The following KRTAP11-1 variants were observed in gnomAD, a reference collection of about 807,000 sequenced individuals.
KRTAP11-1 encodes keratin-associated protein 11-1.
In KRTAP11-1, 17 loss-of-function variants were observed where a neutral mutation model predicts 13.9. The ratio of observed to expected loss-of-function variants is 1.23; its 90% CI spans 0.84 to 1.84. The LOEUF is 1.84. Among genes scored for constraint, KRTAP11-1 ranks in the 40% most tolerant of loss-of-function variants. The pLI is 0.00. For synonymous variants in KRTAP11-1, 69 were observed against 81.6 expected (o/e 0.85, Z 0.84); for missense variants, 181 against 200.9 (o/e 0.90, Z 0.60).
rs1986196738 is a variant in KRTAP11-1, at chr21:30,880,964, C to A, written c.*69G>T. On this transcript the variant is annotated 3_prime_UTR_variant, in exon 1 of 1. Transcript: ENST00000332378. ...TGAAGAGCTATTCAGGGACAAGCAG[C>A]ATGCTGGAAGATCCTGGAAACAGCT... is the stretch of plus-strand genomic sequence containing the variant. 5.8e-6 allele frequency: 9 copies of A among 1,550,230 alleles called. No individual in the cohort carries two copies. The highest frequency in any genetic ancestry group is 1.4e-5 in the African/African-American group (1 of 73,428).
In KRTAP11-1 at chr21:30,880,960, G is replaced by T. The variant is rs1986196629; in HGVS notation, c.*73C>A. On this transcript the variant is annotated 3_prime_UTR_variant, in exon 1 of 1. Coordinates refer to ENST00000332378, the MANE Select transcript of KRTAP11-1 (RefSeq NM_175858.3). Reference sequence around the variant, plus strand: ...GCTATGAAGAGCTATTCAGGGACAAGCAGCATGCTGGAAGATCCTGGAAAC... The same window carrying T: ...GCTATGAAGAGCTATTCAGGGACAATCAGCATGCTGGAAGATCCTGGAAAC... The T allele has an allele frequency of 2.6e-6, 4 of 1,544,390 alleles. No homozygotes were observed. Among genetic ancestry groups the T allele is most frequent in the African/African-American group, 2.7e-5 (2 of 73,420 alleles).
chr21:30,880,785 G>A lies in KRTAP11-1; in HGVS notation c.*248C>T, dbSNP rs1986192808. On this transcript the variant is annotated 3_prime_UTR_variant, in exon 1 of 1. Coordinates refer to ENST00000332378, the MANE Select transcript of KRTAP11-1 (RefSeq NM_175858.3). ...AAGCATCAGAGACTGGGGTGTGGAT[G>A]GTAAAGCTTCTGGACACATCCAGAG... 4 of 496,870 alleles carry A rather than the reference G, an allele frequency of 8.1e-6. No individual in the cohort carries two copies. The East Asian group carries it at 1.3e-4, about 16-fold the overall frequency. The allele number at this position is 496,870 out of a possible 1,614,324, so 30.8% of individuals were successfully genotyped here.
rs112534515 is a variant in KRTAP11-1, at chr21:30,880,991, G to T, written c.*42C>A. On this transcript the variant is annotated 3_prime_UTR_variant, in exon 1 of 1. Coordinates refer to ENST00000332378, the MANE Select transcript of KRTAP11-1 (RefSeq NM_175858.3). ...TGCTGGAAGATCCTGGAAACAGCTGGCAGGTCGTGGAGTCTTGATTCGCTC... is the reference window on the plus strand; with the variant it reads ...TGCTGGAAGATCCTGGAAACAGCTGTCAGGTCGTGGAGTCTTGATTCGCTC... 0.012 allele frequency: 18,879 copies of T among 1,571,640 alleles called. 205 individuals are homozygous for T. Among genetic ancestry groups the T allele is most frequent in the Middle Eastern group, 0.043 (222 of 5,196 alleles).
In KRTAP11-1 at chr21:30,881,372, C is replaced by T. The variant is rs761796430; in HGVS notation, c.153G>A (p.Trp51Ter). Residue 51 changes from tryptophan (W) to a stop codon, truncating the protein, a stop_gained, in exon 1 of 1, where the codon TGG (tryptophan) becomes TGA (stop). Coordinates refer to ENST00000332378, the MANE Select transcript of KRTAP11-1 (RefSeq NM_175858.3). LOFTEE classifies it high-confidence loss of function. Reference protein sequence around the residue: ...CLPSSFQTGSWLLDHCQETCC... With the variant: ...CLPSSFQTGS ...AGGTCTCTTGACAGTGGTCCAGGAG[C>T]CAAGAGCCAGTCTGGAAGGAACTGG... 1.2e-6 allele frequency: 2 copies of T among 1,614,102 alleles called. No homozygotes were observed. Among genetic ancestry groups the T allele is most frequent in the South Asian group, 2.2e-5 (2 of 91,080 alleles).
rs754297851 is a variant in KRTAP11-1, at chr21:30,881,498, A to C, written c.27T>G (p.Asn9Lys). ...GTCCTCCAATGGGCCTGGAAGAGCA[A>C]TTTCTTGTGGAGCAGTTGAAGGACA... MSFNCSTRNCSSRPIGGRC... is the reference protein window; with the variant it reads MSFNCSTRKCSSRPIGGRC... The change falls in exon 1 of 1, where the codon AAT becomes AAG. Residue 9 changes from asparagine (N) to lysine (K), a missense_variant. Coordinates refer to ENST00000332378, the MANE Select transcript of KRTAP11-1 (RefSeq NM_175858.3). 58 of 1,612,108 alleles carry C rather than the reference A, an allele frequency of 3.6e-5. No individual in the cohort carries two copies. The South Asian group carries it at 6.4e-4, about 18-fold the overall frequency.
Position 30,881,386 on chromosome 21 carries a change from GGA to G in KRTAP11-1, c.137_138del (p.Phe46SerfsTer16). 1 of 1,614,148 alleles carries G rather than the reference GGA, an allele frequency of 6.2e-7. No individual in the cohort carries two copies. The highest frequency in any genetic ancestry group is 8.5e-7 in the Non-Finnish European group (1 of 1,180,016). On this transcript the variant is annotated frameshift_variant, in exon 1 of 1. Coordinates refer to ENST00000332378, the MANE Select transcript of KRTAP11-1 (RefSeq NM_175858.3). LOFTEE classifies it high-confidence loss of function. ...CLGGICLPSSFQTGSWLLDHC... is the reference protein window; with the variant it reads ...CLGGICLPSSXQTGSWLLDHC... ...TGGTCCAGGAGCCAAGAGCCAGTCT[GGA>G]AGGAACTGGGCAAACAGATGCCGCC...
chr21:30,880,713 C>T lies in KRTAP11-1; in HGVS notation c.*320G>A. On this transcript the variant is annotated 3_prime_UTR_variant, in exon 1 of 1. Coordinates refer to ENST00000332378, the MANE Select transcript of KRTAP11-1 (RefSeq NM_175858.3). ...AGACAAGCTCTGTTTTTGTGAGACACAAAAGCAGAGGCCAGGAGATACAGC... is the reference window on the plus strand; with the variant it reads ...AGACAAGCTCTGTTTTTGTGAGACATAAAAGCAGAGGCCAGGAGATACAGC... 2 of 310,718 alleles carry T rather than the reference C, an allele frequency of 6.4e-6. No individual in the cohort carries two copies. The highest frequency in any genetic ancestry group is 2.1e-5 in the African/African-American group (1 of 48,046). 19.2% of individuals were successfully genotyped at this position (310,718 alleles called of 1,614,324 possible). A position where few individuals can be genotyped will look rare whatever the true frequency, so the allele number is the denominator to read the frequency against.
rs367862788 is a variant in KRTAP11-1, at chr21:30,881,481, A to G, written c.44T>C (p.Ile15Thr). 9.3e-6 allele frequency: 15 copies of G among 1,613,730 alleles called. No homozygotes were observed. Among genetic ancestry groups the G allele is most frequent in the Non-Finnish European group, 1.1e-5 (13 of 1,179,866 alleles). ...CACTGGAACAATGCAGCGTCCTCCA[A>G]TGGGCCTGGAAGAGCAATTTCTTGT... ...CSTRNCSSRP[I>T]GGRCIVPVAQ... is the part of the protein sequence containing the mutation. Residue 15 changes from isoleucine (I) to threonine (T), a missense_variant, in exon 1 of 1, where the codon ATT becomes ACT. Coordinates refer to ENST00000332378, the MANE Select transcript of KRTAP11-1 (RefSeq NM_175858.3).
chr21:30,881,444 G>T lies in KRTAP11-1; in HGVS notation c.81C>A (p.Thr27=). 6.2e-7 allele frequency: 1 copy of T among 1,614,072 alleles called. No homozygotes were observed. Among genetic ancestry groups the T allele is most frequent in the South Asian group, 1.1e-5 (1 of 91,070 alleles). ...GRCIVPVAQV[T]TTSTTDADCL... ...AGTCAGCATCAGTGGTGGAAGTCGT[G>T]GTAACTTGGGCCACTGGAACAATGC... Residue 27 remains threonine (T), a synonymous_variant, in exon 1 of 1, where the codon ACC becomes ACA. Transcript: ENST00000332378.
Position 30,881,292 on chromosome 21 carries a change from G to A in KRTAP11-1, c.233C>T (p.Ser78Phe), listed in dbSNP as rs79258920. The A allele has an allele frequency of 2.0e-3, 3,263 of 1,614,150 alleles. 30 individuals carry two copies. The African/African-American group carries it at 0.034, about 17-fold the overall frequency. Residue 78 changes from serine (S) to phenylalanine (F), a missense_variant, in exon 1 of 1, where the codon TCC (serine) becomes TTC (phenylalanine). Coordinates refer to ENST00000332378, the MANE Select transcript of KRTAP11-1 (RefSeq NM_175858.3). ...AGAGCAAGTCACCTGGCAAGGGTTG[G>A]AGACACATGAAGTTCGCCGGTAACA... ...PTCYRRTSCV[S>F]NPCQVTCSRQ...
rs1264463183 is a variant in KRTAP11-1, at chr21:30,881,181, C to G, written c.344G>C (p.Gly115Ala). 1 of 1,614,088 alleles carries G rather than the reference C, an allele frequency of 6.2e-7. No individual in the cohort carries two copies. The highest frequency in any genetic ancestry group is 1.7e-5 in the Admixed American group (1 of 60,010). ...TGGTTGGCAGACACTGGAGATGCCTCCCAGGGGCTGACATCCACTAGAGAC... is the reference window on the plus strand; with the variant it reads ...TGGTTGGCAGACACTGGAGATGCCTGCCAGGGGCTGACATCCACTAGAGAC... The part of the protein sequence containing the change: ...TFVSSGCQPL[G>A]GISSVCQPVG... Residue 115 changes from glycine (G) to alanine (A), a missense_variant, in exon 1 of 1, where the codon GGA becomes GCA. Transcript: ENST00000332378.
rs1986198439 is a variant in KRTAP11-1, at chr21:30,881,026, T to C, written c.*7A>G. The C allele has an allele frequency of 6.2e-7, 1 of 1,608,184 alleles. No homozygotes were observed. The highest frequency in any genetic ancestry group is 8.5e-7 in the Non-Finnish European group (1 of 1,176,288). On this transcript the variant is annotated 3_prime_UTR_variant, in exon 1 of 1. Coordinates refer to ENST00000332378, the MANE Select transcript of KRTAP11-1 (RefSeq NM_175858.3). Reference sequence around the variant, plus strand: ...GAGTCTTGATTCGCTCACTGGCTCCTACACACTTAGCAGGTTCTTCGGCAG... The same window carrying C: ...GAGTCTTGATTCGCTCACTGGCTCCCACACACTTAGCAGGTTCTTCGGCAG...
At position 30,881,347 on chromosome 21, in the gene KRTAP11-1, A is replaced by G. The variant is rs778920818; in HGVS notation, c.178T>C (p.Cys60Arg). ...GGCTGGCAAGCAGTGGGCTCACAGCAGGTCTCTTGACAGTGGTCCAGGAGC... is the reference window on the plus strand; with the variant it reads ...GGCTGGCAAGCAGTGGGCTCACAGCGGGTCTCTTGACAGTGGTCCAGGAGC... ...SWLLDHCQET[C>R]CEPTACQPTC... Residue 60 changes from cysteine (C) to arginine (R), a missense_variant, in exon 1 of 1, where the codon TGC (cysteine) becomes CGC (arginine). Transcript: ENST00000332378. 6.2e-7 allele frequency: 1 copy of G among 1,614,156 alleles called. No homozygotes were observed. The highest frequency in any genetic ancestry group is 8.5e-7 in the Non-Finnish European group (1 of 1,180,000).
chr21:30,881,319 G>C lies in KRTAP11-1; in HGVS notation c.206C>G (p.Thr69Ser). Residue 69 changes from threonine to serine, a missense_variant, in exon 1 of 1, where the codon ACC becomes AGC. Thr to Ser is a moderately conservative substitution (Grantham distance 58, BLOSUM62 1). Coordinates refer to ENST00000332378, the MANE Select transcript of KRTAP11-1 (RefSeq NM_175858.3). The stretch of plus-strand genomic sequence containing the variant: ...GACACATGAAGTTCGCCGGTAACAG[G>C]TTGGCTGGCAAGCAGTGGGCTCACA... ...TCCEPTACQP[T>S]CYRRTSCVSN... 6.2e-7 allele frequency: 1 copy of C among 1,614,152 alleles called. No homozygotes were observed. Among genetic ancestry groups the C allele is most frequent in the Non-Finnish European group, 8.5e-7 (1 of 1,180,008 alleles).
Sources: gnomAD v4.1 joint callset for allele counts on GRCh38, gnomAD v4.1.1 for gene constraint, MANE v1.5 for transcripts, NCBI Gene and HGNC (gene_info 2026-07-23, HGNC 2026-07-21) for gene names.